Variants in CASP2 observed in about 807,000 individuals in gnomAD.
The protein encoded by CASP2 is caspase 2.
CASP2 carries 38 observed loss-of-function variants against 54.4 expected under a neutral mutation model. The ratio of observed to expected loss-of-function variants is 0.70; its 90% CI spans 0.54 to 0.92. CASP2 has a LOEUF of 0.92. Among genes scored for constraint, CASP2 ranks in the 40% least tolerant of loss-of-function variants. The pLI, the probability that CASP2 is intolerant of heterozygous loss-of-function variation, is 0.00. For missense variants in CASP2, 512 were observed against 579.6 expected (o/e 0.88, Z 1.20); for synonymous variants, 215 against 216.3 (o/e 0.99, Z 0.05).
rs1801866521 is a variant in CASP2, at chr7:143,299,982, C to T, written c.807C>T (p.Ser269=). 1.2e-6 allele frequency: 2 copies of T among 1,614,062 alleles called. No homozygotes were observed. Among genetic ancestry groups the T allele is most frequent in the African/African-American group, 1.3e-5 (1 of 74,920 alleles). ...AQLPAHRVTD[S]CIVALLSHGV... is the part of the protein sequence containing the mutation. ...TACCTGCACACCGAGTCACGGACTC[C>T]TGCATCGTGGCACTCCTCTCGCATG... Residue 269 remains serine, a synonymous_variant, in exon 7 of 11, where the codon TCC becomes TCT. Coordinates refer to ENST00000310447, the MANE Select transcript of CASP2 (RefSeq NM_032982.4).
At chr7:143,298,277 A>C (rs1363700208) in intron 6 of CASP2, among the ~76,000 whole-genome samples, 1 of 152,248 alleles carries the variant, frequency 6.6e-6, no homozygotes, top group Non-Finnish European at 1.5e-5. Flanking sequence ...TCTTCCACCC[A>C]GATAACTTAC....
intron 8 of CASP2, chr7:143,300,865 A>G (rs974510832): frequency 4.4e-6 from 5 of 1,125,248 alleles, no homozygotes; most frequent in Non-Finnish European, 5.5e-6. Flanking sequence ...TCTTTCTCTC[A>G]TGCAGTCTGT....
chr7:143,291,391 T>C (rs1801552359), intron 1 of CASP2, 149 bp from the exon 2 acceptor site: 2 of 776,916 alleles, frequency 2.6e-6, no homozygotes, highest in African/African-American at 3.4e-5. Flanking sequence ...GCTTAGTACA[T>C]CTTTGCTTTA....
rs756573029 is a variant in CASP2 at position 143,294,641 on chromosome 7, G to A, written c.615G>A (p.Leu205=). 1.2e-4 allele frequency: 189 copies of A among 1,614,120 alleles called. No homozygotes were observed. The highest frequency in any genetic ancestry group is 1.5e-4 in the Non-Finnish European group (181 of 1,180,058). ...GGCCTCGTGGCCTAGCACTGGTGTTGAGCAATGTGCACTTCACTGGAGAGA... is the reference window on the plus strand; with the variant it reads ...GGCCTCGTGGCCTAGCACTGGTGTTAAGCAATGTGCACTTCACTGGAGAGA... The part of the protein sequence containing the change: ...QSRPRGLALV[L]SNVHFTGEKE... Residue 205 remains leucine, a synonymous_variant, in exon 6 of 11, where the codon TTG becomes TTA. Coordinates refer to ENST00000310447, the MANE Select transcript of CASP2 (RefSeq NM_032982.4).
In CASP2 at chr7:143,304,972, T is replaced by C. The variant is rs774002203; in HGVS notation, c.1260T>C (p.Tyr420=). 23 of 1,614,112 alleles carry C rather than the reference T, an allele frequency of 1.4e-5. 1 individual carries two copies. The highest frequency in any genetic ancestry group is 1.0e-4 in the Admixed American group (6 of 60,004). Residue 420 remains tyrosine, a synonymous_variant, in exon 11 of 11, where the codon TAT becomes TAC. Transcript: ENST00000310447. ...VNALIKDREG[Y]APGTEFHRCK... ...CACTTATCAAGGATCGGGAAGGTTA[T>C]GCTCCTGGCACAGAATTCCACCGGT...
intron 8 of CASP2, 200 bp from the exon 9 acceptor site, chr7:143,303,584 A>T: frequency 1.9e-6 from 1 of 517,760 alleles, no homozygotes; most frequent in Non-Finnish European, 3.5e-6. Context: ...TGTATGAGGC[A>T]TCCCCTGAGT....
At chr7:143,295,311 A>C (rs1801711779) in intron 6 of CASP2, among the ~76,000 whole-genome samples, 1 of 152,202 alleles carries the variant, frequency 6.6e-6, no homozygotes, top group Admixed American at 6.5e-5. Context: ...TATAGGCATG[A>C]GCTACGGCAC....
intron 6 of CASP2, among the ~76,000 whole-genome samples, chr7:143,297,954 C>T (rs1801805536): frequency 6.6e-6 from 1 of 152,196 alleles, no homozygotes; most frequent in Admixed American, 6.5e-5. Flanking sequence ...TTCAACAACA[C>T]CAGTCTCTTT....
chr7:143,300,219 C>CAGCTCTTTGACAACGCCAACTGCCCA lies in CASP2; in HGVS notation c.896_921dup (p.Leu308SerfsTer58), dbSNP rs751589935. 3.1e-6 allele frequency: 5 copies of CAGCTCTTTGACAACGCCAACTGCCCA among 1,614,154 alleles called. No individual in the cohort carries two copies. The highest frequency in any genetic ancestry group is 4.2e-6 in the Non-Finnish European group (5 of 1,180,032). On this transcript the variant is annotated frameshift_variant, in exon 8 of 11. Transcript: ENST00000310447. LOFTEE classifies it high-confidence loss of function. ...TTTCTGGCAGCTCCAAGAGGTTTTT[C>CAGCTCTTTGACAACGCCAACTGCCCA]AGCTCTTTGACAACGCCAACTGCCC...
At position 143,304,923 on chromosome 7, in the gene CASP2, T is replaced by C; in HGVS notation, c.1228-17T>C. ...CCGAGATTCTCAGACTTGGGCCTATTGGTTCTGCCCCTCCAGGTGAACGCA... is the reference window on the plus strand; with the variant it reads ...CCGAGATTCTCAGACTTGGGCCTATCGGTTCTGCCCCTCCAGGTGAACGCA... On this transcript the variant is annotated splice_polypyrimidine_tract_variant and intron_variant, in intron 10 of 10. Transcript: ENST00000310447. 2.5e-6 allele frequency: 4 copies of C among 1,614,220 alleles called. No homozygotes were observed. The highest frequency in any genetic ancestry group is 3.4e-6 in the Non-Finnish European group (4 of 1,180,028).
chr7:143,291,168 TAGATAATGTG>T (rs1801544916), intron 1 of CASP2, among the ~76,000 whole-genome samples: 1 of 152,224 alleles, frequency 6.6e-6, no homozygotes, highest in African/African-American at 2.4e-5. Flanking sequence ...TTCACCAGCT[TAGATAATGTG>T]AGATGTTTTC....
In CASP2 at chr7:143,305,501, C is replaced by T. The variant is rs1802038580; in HGVS notation, c.*430C>T. 7.5e-5 allele frequency: 23 copies of T among 307,622 alleles called. No individual in the cohort carries two copies. Among genetic ancestry groups the T allele is most frequent in the South Asian group, 6.8e-4 (23 of 33,590 alleles). The allele number at this position is 307,622 out of a possible 1,614,324, so 19.1% of individuals were successfully genotyped here. ...CTATCTTTTATTTCATTCATATCCT[C>T]CGCCCTTTTTGTCCTAGAGTGAGAG... On this transcript the variant is annotated 3_prime_UTR_variant, in exon 11 of 11. Coordinates refer to ENST00000310447, the MANE Select transcript of CASP2 (RefSeq NM_032982.4).
rs1337446463 is a variant in CASP2, at chr7:143,294,696, G to A, written c.670G>A (p.Val224Met). ...KELEFRSGGD[V>M]DHSTLVTLFK... Reference sequence around the variant, plus strand: ...ACTGGAATTTCGCTCTGGAGGGGATGTGGACCACAGTACTCTAGTCACCCT... The same window carrying A: ...ACTGGAATTTCGCTCTGGAGGGGATATGGACCACAGTACTCTAGTCACCCT... The change falls in exon 6 of 11, where the codon GTG becomes ATG. Residue 224 changes from valine (V) to methionine (M), a missense_variant. By Grantham distance (21) the Val-to-Met change is conservative. Transcript: ENST00000310447. 2 of 1,614,088 alleles carry A rather than the reference G, an allele frequency of 1.2e-6. No individual in the cohort carries two copies. Among genetic ancestry groups the A allele is most frequent in the African/African-American group, 1.3e-5 (1 of 74,932 alleles).
chr7:143,304,087 A>G (rs1244923081), intron 9 of CASP2, among the ~76,000 whole-genome samples, 154 bp downstream of exon 9: 1 of 152,038 alleles, frequency 6.6e-6, no homozygotes, highest in East Asian at 1.9e-4. Flanking sequence ...GGATTTTGGA[A>G]TATTTGCGTT....
At chr7:143,289,897 A>T (rs1801502964) in intron 1 of CASP2, among the ~76,000 whole-genome samples, 1 of 151,956 alleles carries the variant, frequency 6.6e-6, no homozygotes, top group South Asian at 2.1e-4. Context: ...CTGTTTTAGG[A>T]TCCCACCTGC....
In CASP2 at chr7:143,305,100, G is replaced by T; in HGVS notation, c.*29G>T. The stretch of plus-strand genomic sequence containing the variant: ...CACCTCCCCATCATCCACGCCAAGT[G>T]GAAGCCACTGGACCACAGGAGGTGT... On this transcript the variant is annotated 3_prime_UTR_variant, in exon 11 of 11. Coordinates refer to ENST00000310447, the MANE Select transcript of CASP2 (RefSeq NM_032982.4). 6.2e-7 allele frequency: 1 copy of T among 1,614,026 alleles called. No individual in the cohort carries two copies. The highest frequency in any genetic ancestry group is 8.5e-7 in the Non-Finnish European group (1 of 1,179,926).
At chr7:143,293,512 GT>G (rs869216617) in intron 4 of CASP2, among the ~76,000 whole-genome samples, 23 of 142,244 alleles carry the variant, frequency 1.6e-4, no homozygotes, top group Non-Finnish European at 1.4e-4. Context: ...GTGGTTTTTT[GT>G]TTTTTTTTTT....
At chr7:143,300,613 T>A in intron 8 of CASP2, 1 of 1,356,238 alleles carries the variant, frequency 7.4e-7, no homozygotes, top group East Asian at 3.7e-5. Context: ...TCTGGTGCCC[T>A]TTTTTTGGTT....
chr7:143,304,701 G>A lies in CASP2; in HGVS notation c.1145G>A (p.Arg382Gln), dbSNP rs770968254. The A allele has an allele frequency of 5.6e-6, 9 of 1,614,154 alleles. No individual in the cohort carries two copies. The highest frequency in any genetic ancestry group is 1.7e-5 in the Admixed American group (1 of 60,026). ...ACTGCCGCCATGCGGAACACCAAAC[G>A]AGGTTCCTGGTACATCGAGGCTCTT... Reference protein sequence around the residue: ...KGTAAMRNTKRGSWYIEALAQ... With the variant: ...KGTAAMRNTKQGSWYIEALAQ... Residue 382 changes from arginine (R) to glutamine (Q), a missense_variant, in exon 10 of 11, where the codon CGA (arginine) becomes CAA (glutamine). By Grantham distance (43) the Arg-to-Gln change is conservative. This residue lies in a region of CASP2 where 417 missense variants were observed against 495.4 expected (regional missense o/e 0.84). Coordinates refer to ENST00000310447, the MANE Select transcript of CASP2 (RefSeq NM_032982.4).
Sources: gnomAD v4.1 joint callset for allele counts (sites outside exome capture counted in the v4.1 genomes callset) on GRCh38, gnomAD v4.1.1 for gene constraint, gnomAD v4.1.1 regional missense constraint, MANE v1.5 for transcripts, NCBI Gene and HGNC (gene_info 2026-07-23, HGNC 2026-07-21) for gene names.